Variants in KIF3C observed in about 807,000 individuals in gnomAD.
KIF3C encodes kinesin-like protein KIF3C.
A neutral mutation model predicts 67.7 loss-of-function variants in KIF3C; 12 were observed. The observed-to-expected ratio is 0.18, with a 90% CI of 0.11 to 0.29. The LOEUF (loss-of-function observed/expected upper bound fraction) is 0.29, where lower values mean the gene tolerates loss of function less well. Among genes scored for constraint, KIF3C ranks in the 10% least tolerant of loss-of-function variants. The pLI, the probability that KIF3C is intolerant of heterozygous loss-of-function variation, is 1.00. For missense variants in KIF3C, 789 were observed against 1,059.6 expected (o/e 0.74, Z 3.55); for synonymous variants, 393 against 426.2 (o/e 0.92, Z 0.96).
chr2:25,957,519 C>G (rs555737071), intron 1 of KIF3C, among the ~76,000 whole-genome samples: 1 of 152,310 alleles, frequency 6.6e-6, no homozygotes, highest in African/African-American at 2.4e-5. Context: ...CAGTTGTCCT[C>G]TGGCTTCATC....
chr2:25,940,295 G>A (rs191253319), intron 5 of KIF3C, among the ~76,000 whole-genome samples: 3 of 152,256 alleles, frequency 2.0e-5, no homozygotes, highest in Non-Finnish European at 2.9e-5. Flanking sequence ...AAGGCCAGGC[G>A]CATGGTGGCT....
chr2:25,981,809 C>G lies in KIF3C; in HGVS notation c.109G>C (p.Val37Leu). Residue 37 changes from valine (V) to leucine (L), a missense_variant, in exon 1 of 8, where the codon GTG (valine) becomes CTG (leucine). This residue lies in a region of KIF3C where 141 missense variants were observed against 251.8 expected (regional missense o/e 0.56). Coordinates refer to ENST00000264712, the MANE Select transcript of KIF3C (RefSeq NM_002254.8). This position sits in a 1 kb window ranked among gnomAD's most constrained non-coding sequence, Gnocchi z 8.2. ...CGCAGGGTCACCTGGCCCAGTTTCA[C>G]GTCCATGGTCAGGATCTGCTCGTGA... ...AGHEQILTMD[V>L]KLGQVTLRNP... 6.2e-7 allele frequency: 1 copy of G among 1,613,316 alleles called. No individual in the cohort carries two copies. The highest frequency in any genetic ancestry group is 8.5e-7 in the Non-Finnish European group (1 of 1,179,844).
In KIF3C at chr2:25,981,321, G is replaced by T. The variant is rs774573646; in HGVS notation, c.597C>A (p.Asn199Lys). Reference protein sequence around the residue: ...KEIEHVMNLGNQTRAVGSTHM... With the variant: ...KEIEHVMNLGKQTRAVGSTHM... ...GGGTGCTGCCCACAGCCCGGGTCTGGTTCCCCAGGTTCATCACATGCTCAA... is the reference window on the plus strand; with the variant it reads ...GGGTGCTGCCCACAGCCCGGGTCTGTTTCCCCAGGTTCATCACATGCTCAA... The change falls in exon 1 of 8, where the codon AAC (asparagine) becomes AAA (lysine). Residue 199 changes from asparagine to lysine, a missense_variant. Coordinates refer to ENST00000264712, the MANE Select transcript of KIF3C (RefSeq NM_002254.8). This position sits in a 1 kb window ranked among gnomAD's most constrained non-coding sequence, Gnocchi z 8.2. The T allele has an allele frequency of 6.2e-7, 1 of 1,614,204 alleles. No homozygotes were observed. Among genetic ancestry groups the T allele is most frequent in the South Asian group, 1.1e-5 (1 of 91,080 alleles).
At chr2:25,948,858 A>G (rs905541490) in intron 5 of KIF3C, among the ~76,000 whole-genome samples, 5 of 152,044 alleles carry the variant, frequency 3.3e-5, no homozygotes, top group African/African-American at 1.2e-4. Flanking sequence ...GAGGCAGTCA[A>G]GTCAAAATTG....
chr2:25,956,418 C>T lies in KIF3C; in HGVS notation c.1572G>A (p.Gly524=), dbSNP rs768632290. The T allele has an allele frequency of 3.2e-5, 51 of 1,613,970 alleles. No individual in the cohort carries two copies. Among genetic ancestry groups the T allele is most frequent in the Non-Finnish European group, 4.1e-5 (48 of 1,180,032 alleles). ...TGGTGTGATCCATGATGTTCCTGCC[C>T]CCGATGAGGAGCTTGCTCTCCATGG... ...YKAMESKLLI[G]GRNIMDHTNE... Residue 524 remains glycine, a synonymous_variant, in exon 2 of 8, where the codon GGG becomes GGA. Transcript: ENST00000264712.
At chr2:25,944,677 T>C (rs1423196229) in intron 5 of KIF3C, among the ~76,000 whole-genome samples, 5 of 151,966 alleles carry the variant, frequency 3.3e-5, no homozygotes, top group Non-Finnish European at 7.4e-5. Context: ...CCTACCCAGA[T>C]GTATTTGCAT....
At chr2:25,969,302 G>GT (rs1459322134) in intron 1 of KIF3C, among the ~76,000 whole-genome samples, 1 of 151,874 alleles carries the variant, frequency 6.6e-6, no homozygotes, top group African/African-American at 2.4e-5. Context: ...TCTTTTATAT[G>GT]TCCCCCCCGT....
At position 25,982,105 on chromosome 2, in the gene KIF3C, G is replaced by C; in HGVS notation, c.-188C>G. On this transcript the variant is annotated 5_prime_UTR_variant, in exon 1 of 8. Transcript: ENST00000264712. Reference sequence around the variant, plus strand: ...CGCTGCTGCAGTCCGGGCCTCCACCGCTCTCCGGTCCTCTCTGCACCGGCT... The same window carrying C: ...CGCTGCTGCAGTCCGGGCCTCCACCCCTCTCCGGTCCTCTCTGCACCGGCT... The C allele has an allele frequency of 1.9e-6, 1 of 538,052 alleles. No individual in the cohort carries two copies. The highest frequency in any genetic ancestry group is 3.3e-6 in the Non-Finnish European group (1 of 305,430). The allele number at this position is 538,052 out of a possible 1,614,324, so 33.3% of individuals were successfully genotyped here. A position where few individuals can be genotyped will look rare whatever the true frequency, so the allele number is the denominator to read the frequency against.
At chr2:25,931,480 A>G (rs2090458455) in intron 5 of KIF3C, among the ~76,000 whole-genome samples, 1 of 152,082 alleles carries the variant, frequency 6.6e-6, no homozygotes, top group African/African-American at 2.4e-5. Flanking sequence ...AACAAAAAAC[A>G]AAACAAAAAA....
rs537725737 is a variant in KIF3C at position 25,928,253 on chromosome 2, C to T, written c.*725G>A. On this transcript the variant is annotated 3_prime_UTR_variant, in exon 8 of 8. Transcript: ENST00000264712. ...GTTCAAGTTGTCTCAATTGCTGTTC[C>T]ATTTCCTGCAGGTTCCAAGGCGATG... 9.2e-5 allele frequency: 14 copies of T among 152,286 alleles called. No homozygotes were observed. The highest frequency in any genetic ancestry group is 3.4e-4 in the African/African-American group (14 of 41,544). 9.4% of individuals were successfully genotyped at this position (152,286 alleles called of 1,614,324 possible). A position where few individuals can be genotyped will look rare whatever the true frequency, so the allele number is the denominator to read the frequency against.
chr2:25,962,837 A>C (rs1260496175), intron 1 of KIF3C, among the ~76,000 whole-genome samples: 1 of 66,350 alleles, frequency 1.5e-5, no homozygotes, highest in Non-Finnish European at 2.6e-5. Context: ...AATATATAAA[A>C]TATATAATAT....
At chr2:25,974,181 T>C (rs1350565691) in intron 1 of KIF3C, among the ~76,000 whole-genome samples, 1 of 152,088 alleles carries the variant, frequency 6.6e-6, no homozygotes, top group East Asian at 1.9e-4. Flanking sequence ...GTGATTCTCC[T>C]GCGTCAGCCT....
At chr2:25,954,777 TTTGGAGACCCAGCTCAGGAA>T (rs1663764264) in intron 3 of KIF3C, among the ~76,000 whole-genome samples, 1 of 152,204 alleles carries the variant, frequency 6.6e-6, no homozygotes, top group African/African-American at 2.4e-5. Flanking sequence ...CCGGGGCTTA[TTTGGAGACCCAGCTCAGGAA>T]GCAGGAAGCC....
chr2:25,976,760 C>CA (rs1225023757), intron 1 of KIF3C, among the ~76,000 whole-genome samples: 1 of 151,002 alleles, frequency 6.6e-6, no homozygotes, highest in African/African-American at 2.4e-5. Flanking sequence ...AACTCCATCT[C>CA]AAAAAAAAAG....
chr2:25,961,290 A>T (rs1663937239), intron 1 of KIF3C, among the ~76,000 whole-genome samples: 1 of 152,228 alleles, frequency 6.6e-6, no homozygotes, highest in African/African-American at 2.4e-5. Flanking sequence ...AAACAGAAAT[A>T]AACAGGTATT....
chr2:25,933,067 A>G (rs1212657627), intron 5 of KIF3C, among the ~76,000 whole-genome samples: 2 of 152,236 alleles, frequency 1.3e-5, no homozygotes, highest in East Asian at 3.9e-4. Flanking sequence ...CCTGGGCAAC[A>G]TGGTGAAACC....
chr2:25,953,284 T>G (rs1469427906), intron 4 of KIF3C, among the ~76,000 whole-genome samples: 2 of 151,950 alleles, frequency 1.3e-5, no homozygotes, highest in African/African-American at 4.8e-5. Flanking sequence ...AAAAAAAATC[T>G]AATGTATCCC....
chr2:25,941,821 G>A (rs1183667322), intron 5 of KIF3C, among the ~76,000 whole-genome samples: 1 of 140,216 alleles, frequency 7.1e-6, no homozygotes, highest in African/African-American at 2.6e-5. Context: ...GAGCCAAGAA[G>A]GTGAGCCAAG....
intron 5 of KIF3C, among the ~76,000 whole-genome samples, chr2:25,944,061 T>C (rs71441004): frequency 0.027 from 4,061 of 152,186 alleles, 90 homozygotes; most frequent in South Asian, 0.044. Flanking sequence ...CTTTTTTTTT[T>C]CATAGATATG....
Sources: allele counts gnomAD v4.1 joint callset (sites outside exome capture counted in the v4.1 genomes callset), GRCh38; gene constraint gnomAD v4.1.1; regional missense constraint gnomAD v4.1.1; non-coding constraint Gnocchi (gnomAD v3.1); transcripts MANE v1.5; gene names NCBI Gene and HGNC (gene_info 2026-07-23, HGNC 2026-07-21).